Variants in GOLGA3 observed in about 807,000 individuals in gnomAD.
GOLGA3 encodes the protein golgin subfamily A member 3.
A neutral mutation model predicts 169.4 loss-of-function variants in GOLGA3; 75 were observed. The ratio of observed to expected loss-of-function variants is 0.44; its 90% CI spans 0.37 to 0.54. The LOEUF (loss-of-function observed/expected upper bound fraction) is 0.54. Ranked by LOEUF, GOLGA3 falls within the 20% of genes least tolerant of loss-of-function variation. GOLGA3 has a pLI of 0.00. For missense variants in GOLGA3, 1,899 were observed against 1,930.0 expected, an observed-to-expected ratio of 0.98 and a Z score of 0.30; for synonymous variants, 824 against 822.4, an observed-to-expected ratio of 1.00 and a Z score of -0.03.
At chr12:132,797,730 G>A (rs1593302821) in intron 9 of GOLGA3, among the ~76,000 whole-genome samples, 1 of 151,986 alleles carries the variant, frequency 6.6e-6, no homozygotes. Context: ...AAAAAGATGC[G>A]GCTCAGAGAG....
At chr12:132,792,441 C>G (rs774626796) in intron 11 of GOLGA3, among the ~76,000 whole-genome samples, 18 of 152,230 alleles carry the variant, frequency 1.2e-4, no homozygotes, top group African/African-American at 4.3e-4. Flanking sequence ...TGTTGGGCTG[C>G]GCCCACAGGC....
Position 132,772,992 on chromosome 12 carries a change from G to T in GOLGA3, c.*113C>A. On this transcript the variant is annotated 3_prime_UTR_variant, in exon 24 of 24. Transcript: ENST00000450791. The stretch of plus-strand genomic sequence containing the variant: ...CTATATATTTTACTTCTTGTTAAAG[G>T]CAAAACAAAACTTAAATTTCATGTC... 3 of 783,492 alleles carry T rather than the reference G, an allele frequency of 3.8e-6. No individual in the cohort carries two copies. Among genetic ancestry groups the T allele is most frequent in the Admixed American group, 3.3e-5 (1 of 30,132 alleles). The allele number at this position is 783,492 out of a possible 1,614,324, so 48.5% of individuals were successfully genotyped here.
chr12:132,797,080 C>A (rs1348932555), intron 9 of GOLGA3, among the ~76,000 whole-genome samples: 1 of 152,380 alleles, frequency 6.6e-6, no homozygotes, highest in South Asian at 2.1e-4. Flanking sequence ...CACAGCCTCA[C>A]ATCGGGGTAC....
In GOLGA3 at chr12:132,808,474, G is replaced by T. The variant is rs769319947; in HGVS notation, c.595C>A (p.Pro199Thr). Residue 199 changes from proline to threonine, a missense_variant, in exon 5 of 24, where the codon CCA (proline) becomes ACA (threonine). By Grantham distance (38) the Pro-to-Thr change is conservative. Transcript: ENST00000450791. The stretch of plus-strand genomic sequence containing the variant: ...GTCATAGCCAGGGTACTGGCCCTTG[G>T]TAAGTTTTCTGGGTTTAACATGAGC... ...PELMLNPENL[P>T]RASTLAMTKE... is the part of the protein sequence containing the mutation. 2.5e-6 allele frequency: 4 copies of T among 1,614,014 alleles called. No individual in the cohort carries two copies. Among genetic ancestry groups the T allele is most frequent in the Non-Finnish European group, 3.4e-6 (4 of 1,179,910 alleles).
At chr12:132,805,841 G>A (rs938098759) in intron 6 of GOLGA3, among the ~76,000 whole-genome samples, 2 of 152,190 alleles carry the variant, frequency 1.3e-5, no homozygotes, top group Non-Finnish European at 2.9e-5. Flanking sequence ...ACATGTATGC[G>A]CACACACACA....
At chr12:132,822,656 C>T (rs1218587567) in intron 1 of GOLGA3, among the ~76,000 whole-genome samples, 1 of 152,166 alleles carries the variant, frequency 6.6e-6, no homozygotes, top group African/African-American at 2.4e-5. Flanking sequence ...CGCGGTGGCT[C>T]ACCCCTGTAA....
chr12:132,803,001 G>C (rs1192297033), intron 7 of GOLGA3, among the ~76,000 whole-genome samples: 1 of 152,184 alleles, frequency 6.6e-6, no homozygotes, highest in African/African-American at 2.4e-5. Context: ...GTTGCGGTGA[G>C]CCAAGATGGC....
chr12:132,801,126 G>C (rs1949109306), intron 8 of GOLGA3, among the ~76,000 whole-genome samples: 1 of 152,246 alleles, frequency 6.6e-6, no homozygotes, highest in Non-Finnish European at 1.5e-5. Flanking sequence ...TGTGGGCCGA[G>C]GCACAGGCCT....
intron 9 of GOLGA3, 26 bp downstream of exon 9, chr12:132,798,314 T>C (rs1191696175): frequency 1.3e-6 from 2 of 1,589,000 alleles, no homozygotes; most frequent in Non-Finnish European, 1.7e-6. Context: ...TCTCCTAAGC[T>C]TCCACGGCCC....
rs2046218382 is a variant in GOLGA3, at chr12:132,791,293, C to T, written c.2470G>A (p.Val824Met). ...REELAIKSGQ[V>M]EHLQQETAAL... is the part of the protein sequence containing the mutation. ...GCAGTCTCCTGCTGCAGGTGTTCCA[C>T]CTGTGGGAGACATGTGCACAGACAT... Residue 824 changes from valine (V) to methionine (M), a missense_variant and splice_region_variant, in exon 12 of 24, where the codon GTG becomes ATG. Val to Met is a conservative substitution (Grantham distance 21). Coordinates refer to ENST00000450791, the MANE Select transcript of GOLGA3 (RefSeq NM_001389683.1). 1.3e-6 allele frequency: 2 copies of T among 1,587,196 alleles called. No homozygotes were observed. The highest frequency in any genetic ancestry group is 1.3e-5 in the African/African-American group (1 of 74,394).
chr12:132,780,835 T>C lies in GOLGA3; in HGVS notation c.3545A>G (p.Glu1182Gly), dbSNP rs766290001. The change falls in exon 18 of 24, where the codon GAG becomes GGG. Residue 1182 changes from glutamate (E) to glycine (G), a missense_variant. By Grantham distance (98) the Glu-to-Gly change is moderately conservative. Transcript: ENST00000450791. ...GCTGTTCACCTTCTCCTTCTCCTTC[T>C]CTAGTGAGGCCTGCAGGGCCTGGAC... ...HLVQALQASLEKEKEKVNSLK... is the reference protein window; with the variant it reads ...HLVQALQASLGKEKEKVNSLK... The C allele has an allele frequency of 2.5e-6, 4 of 1,611,972 alleles. No homozygotes were observed. Among genetic ancestry groups the C allele is most frequent in the Non-Finnish European group, 3.4e-6 (4 of 1,179,858 alleles).
chr12:132,788,930 C>CAGACACAGGCCCCGCCCA, intron 13 of GOLGA3, 97 bp downstream of exon 13: 1 of 1,016,124 alleles, frequency 9.8e-7, no homozygotes, highest in Non-Finnish European at 1.4e-6. Flanking sequence ...GACCCCGCCC[C>CAGACACAGGCCCCGCCCA]AGACACAGGC....
Position 132,798,370 on chromosome 12 carries a change from C to A in GOLGA3, c.1908G>T (p.Gly636=), listed in dbSNP as rs781613617. ...ETQHRSMKEK[G]RIAAQLQGIE... is the part of the protein sequence containing the mutation. ...TGCCCTGCAGCTGTGCCGCGATGCG[C>A]CCCTTCTCCTTCATGGACCTGTGCT... Residue 636 remains glycine, a synonymous_variant, in exon 9 of 24, where the codon GGG becomes GGT. Transcript: ENST00000450791. 5.0e-6 allele frequency: 8 copies of A among 1,613,450 alleles called. No homozygotes were observed. In the East Asian group the frequency reaches 1.8e-4, roughly 36 times the overall value.
intron 21 of GOLGA3, among the ~76,000 whole-genome samples, chr12:132,776,425 T>G (rs1238993749): frequency 3.6e-5 from 5 of 137,966 alleles, no homozygotes; most frequent in Admixed American, 7.5e-5. Context: ...CCCCTCCAGC[T>G]CCTTCCTCCC....
At chr12:132,795,218 G>A (rs1229987751) in intron 11 of GOLGA3, among the ~76,000 whole-genome samples, 6 of 151,914 alleles carry the variant, frequency 3.9e-5, no homozygotes, top group Admixed American at 3.3e-4. Context: ...GGGGTCGGGC[G>A]CGGTGGCTCA....
At chr12:132,794,236 T>G (rs1419941184) in intron 11 of GOLGA3, among the ~76,000 whole-genome samples, 1 of 151,528 alleles carries the variant, frequency 6.6e-6, no homozygotes, top group Non-Finnish European at 1.5e-5. Flanking sequence ...GGCTCACGCC[T>G]GTAATCCCAG....
chr12:132,784,574 A>G (rs2045790470), intron 15 of GOLGA3, among the ~76,000 whole-genome samples: 1 of 152,250 alleles, frequency 6.6e-6, no homozygotes, highest in Non-Finnish European at 1.5e-5. Flanking sequence ...TGACCTGCAG[A>G]TAATGGCTAT....
Position 132,816,549 on chromosome 12 carries a change from T to C in GOLGA3, c.397A>G (p.Thr133Ala). ...GGTAACGGATGCTTACACAGTTGCG[T>C]TTCTTGCATAGGAAGACTGAGTCTG... Reference protein sequence around the residue: ...SLRLSLPMQETQLCSTDSPLP... With the variant: ...SLRLSLPMQEAQLCSTDSPLP... The change falls in exon 3 of 24, where the codon ACG becomes GCG. Residue 133 changes from threonine (T) to alanine (A), a missense_variant. Physicochemically the swap from Thr to Ala is moderately conservative, Grantham distance 58. Coordinates refer to ENST00000450791, the MANE Select transcript of GOLGA3 (RefSeq NM_001389683.1). 1 of 1,612,248 alleles carries C rather than the reference T, an allele frequency of 6.2e-7. No individual in the cohort carries two copies. Among genetic ancestry groups the C allele is most frequent in the South Asian group, 1.1e-5 (1 of 91,064 alleles).
intron 23 of GOLGA3, 109 bp from the exon 24 acceptor site, chr12:132,773,403 C>T (rs778053983): frequency 6.5e-5 from 40 of 611,484 alleles, no homozygotes; most frequent in South Asian, 2.5e-4. Context: ...GGGGCGCCTT[C>T]GGGGATCCGC....
Sources: allele counts gnomAD v4.1 joint callset (sites outside exome capture counted in the v4.1 genomes callset), GRCh38; gene constraint gnomAD v4.1.1; transcripts MANE v1.5; gene names NCBI Gene and HGNC (gene_info 2026-07-23, HGNC 2026-07-21).